Variants in MAP4K4 observed in about 807,000 individuals in gnomAD.
MAP4K4 encodes the protein HPK/GCK-like kinase HGK.
Under a neutral mutation model 189.6 loss-of-function variants are expected in MAP4K4, and 38 were observed. That is an observed-to-expected ratio of 0.20 (90% CI 0.15 to 0.26). The LOEUF (loss-of-function observed/expected upper bound fraction) is 0.26, where lower values mean the gene tolerates loss of function less well. Among genes scored for constraint, MAP4K4 ranks in the 10% least tolerant of loss-of-function variants. The probability of loss-of-function intolerance (pLI) is 1.00; values close to 1 mark genes in which losing one functional copy is unlikely to be tolerated. For synonymous variants in MAP4K4, 610 were observed against 624.3 expected (o/e 0.98, Z 0.34); for missense variants, 1,054 against 1,726.9 (o/e 0.61, Z 6.91).
At chr2:101,856,100 C>T (rs1330457134) in exon 13 of MAP4K4, 36 of 1,551,134 alleles carry the variant, frequency 2.3e-5, no homozygotes, top group South Asian at 2.3e-4. Context: ...GGAGAGGAGA[C>T]GGGCAGAAGA....
rs1042433438 is a variant in MAP4K4, at chr2:101,871,695, G to A, written c.2952+10G>A. On this transcript the variant is annotated intron_variant, in intron 24 of 32. Coordinates refer to ENST00000324219, the Ensembl canonical transcript of MAP4K4. ...GCTCACTGCTAATGAGGTATGTCTC[G>A]CACCACAGCTGGCTGCTTTCCTGGG... 14 of 1,534,180 alleles carry A rather than the reference G, an allele frequency of 9.1e-6. No homozygotes were observed. Among genetic ancestry groups the A allele is most frequent in the African/African-American group, 2.7e-5 (2 of 72,946 alleles).
At chr2:101,703,370 C>T (rs1295943115) in intron 2 of MAP4K4, among the ~76,000 whole-genome samples, 3 of 152,028 alleles carry the variant, frequency 2.0e-5, no homozygotes, top group African/African-American at 7.2e-5. Context: ...GGATTCCCAG[C>T]ACTTTGGGAG....
chr2:101,793,568 GTTTTTTTT>G (rs5832988), intron 3 of MAP4K4, among the ~76,000 whole-genome samples: 1 of 127,578 alleles, frequency 7.8e-6, no homozygotes, highest in Non-Finnish European at 1.7e-5. Flanking sequence ...ACTCTTCATG[GTTTTTTTT>G]TTTTTTTTTT....
chr2:101,806,427 G>C (rs1559009068), intron 3 of MAP4K4, among the ~76,000 whole-genome samples: 1 of 149,128 alleles, frequency 6.7e-6, no homozygotes, highest in Admixed American at 6.7e-5. Context: ...CCAGGCTGGA[G>C]TGCAGTGGCA....
chr2:101,803,839 C>A (rs2149027729), intron 3 of MAP4K4, among the ~76,000 whole-genome samples: 2 of 152,278 alleles, frequency 1.3e-5, no homozygotes, highest in East Asian at 3.9e-4. Context: ...GAAGGAAAGA[C>A]ATTTTTGGTG....
chr2:101,848,255 T>C (rs2097172032), intron 12 of MAP4K4, among the ~76,000 whole-genome samples: 1 of 152,232 alleles, frequency 6.6e-6, no homozygotes, highest in Non-Finnish European at 1.5e-5. Context: ...TGTTACACTA[T>C]ATTATTTAGG....
At chr2:101,707,041 A>G (rs901144458) in intron 2 of MAP4K4, among the ~76,000 whole-genome samples, 1 of 152,110 alleles carries the variant, frequency 6.6e-6, no homozygotes, top group African/African-American at 2.4e-5. Flanking sequence ...GCAAACTTTC[A>G]TCAGTTCTGA....
chr2:101,844,431 C>A, intron 12 of MAP4K4, 120 bp downstream of exon 12: 1 of 749,822 alleles, frequency 1.3e-6, no homozygotes, highest in Non-Finnish European at 2.2e-6. Flanking sequence ...TCCCCTGGCA[C>A]AGCTGTTTAC....
intron 2 of MAP4K4, among the ~76,000 whole-genome samples, chr2:101,742,727 G>A (rs1007720838): frequency 2.6e-5 from 4 of 152,122 alleles, no homozygotes; most frequent in African/African-American, 7.2e-5. Flanking sequence ...GGGTCAAGCA[G>A]GTAAAGGAGA....
At chr2:101,707,730 G>A (rs1297613458) in intron 2 of MAP4K4, among the ~76,000 whole-genome samples, 2 of 142,240 alleles carry the variant, frequency 1.4e-5, no homozygotes, top group South Asian at 4.3e-4. Flanking sequence ...TCGCTTTGTC[G>A]CCCAGGCTGG....
chr2:101,871,382 G>T, intron 23 of MAP4K4, 112 bp from the exon 24 acceptor site: 2 of 827,488 alleles, frequency 2.4e-6, no homozygotes, highest in Admixed American at 3.0e-5. Flanking sequence ...GTTTTTCCTT[G>T]GTAATTTAGC....
At chr2:101,747,900 G>C (rs2066476041) in intron 2 of MAP4K4, among the ~76,000 whole-genome samples, 1 of 152,204 alleles carries the variant, frequency 6.6e-6, no homozygotes. Context: ...CACCTCTTCT[G>C]CTTCCAGTGA....
At chr2:101,807,041 C>CTT (rs72332487) in intron 3 of MAP4K4, among the ~76,000 whole-genome samples, 3 of 141,336 alleles carry the variant, frequency 2.1e-5, no homozygotes, top group Non-Finnish European at 1.6e-5. Flanking sequence ...TTTTACCCTT[C>CTT]TTTTTTTTTT....
exon 27 of MAP4K4, chr2:101,877,067 G>A (rs780031640): frequency 1.2e-6 from 2 of 1,613,880 alleles, no homozygotes; most frequent in African/African-American, 1.3e-5. Flanking sequence ...GCCAAGGGAA[G>A]GTCTATCCTC....
At chr2:101,798,876 T>C (rs2094084424) in intron 3 of MAP4K4, among the ~76,000 whole-genome samples, 1 of 152,226 alleles carries the variant, frequency 6.6e-6, no homozygotes, top group African/African-American at 2.4e-5. Context: ...CACAAATATT[T>C]ACATTTTAGA....
At chr2:101,699,433 C>T (rs1467423104) in intron 2 of MAP4K4, among the ~76,000 whole-genome samples, 2 of 152,030 alleles carry the variant, frequency 1.3e-5, no homozygotes, top group Admixed American at 1.3e-4. Context: ...AAATTCAGAA[C>T]GGAATGTTAA....
At chr2:101,829,433 A>C in intron 5 of MAP4K4, 71 bp from the exon 6 acceptor site, 1 of 1,005,080 alleles carries the variant, frequency 9.9e-7, no homozygotes, top group East Asian at 2.6e-5. Flanking sequence ...ACTTTCTTAT[A>C]AAAGGTGTGT....
chr2:101,785,686 C>CTTTTCCTTTTTTGTGT (rs1558913231), intron 2 of MAP4K4, among the ~76,000 whole-genome samples: 1 of 1,438 alleles, frequency 7.0e-4, no homozygotes, highest in Non-Finnish European at 1.3e-3. Flanking sequence ...CCCTCTCTCT[C>CTTTTCCTTTTTTGTGT]TCTCTCTCTC....
At chr2:101,708,053 G>T (rs998703477) in intron 2 of MAP4K4, among the ~76,000 whole-genome samples, 5 of 151,954 alleles carry the variant, frequency 3.3e-5, no homozygotes, top group Non-Finnish European at 4.4e-5. Context: ...TGACCATCTT[G>T]CCCAGGTTAC....
Sources: gnomAD v4.1 joint callset for allele counts (sites outside exome capture counted in the v4.1 genomes callset) on GRCh38, gnomAD v4.1.1 for gene constraint, MANE v1.5 for transcripts, NCBI Gene and HGNC (gene_info 2026-07-23, HGNC 2026-07-21) for gene names.